NKAIN1: variants seen among roughly 807,000 people sequenced by gnomAD.
NKAIN1 encodes the protein sodium/potassium-transporting ATPase subunit beta-1-interacting protein 1.
In NKAIN1, 13 loss-of-function variants were observed where a neutral mutation model predicts 31.6. The observed-to-expected ratio is 0.41, with a 90% CI of 0.27 to 0.65. The LOEUF (loss-of-function observed/expected upper bound fraction) is 0.65. NKAIN1 is among the 30% of genes least tolerant of loss of function. The pLI, the probability that NKAIN1 is intolerant of heterozygous loss-of-function variation, is 0.30. For synonymous variants in NKAIN1, 104 were observed against 109.0 expected, an observed-to-expected ratio of 0.95 and a Z score of 0.28; for missense variants, 193 against 262.2, an observed-to-expected ratio of 0.74 and a Z score of 1.82.
At chr1:31,192,875 T>G (rs1013160127) in intron 1 of NKAIN1, among the ~76,000 whole-genome samples, 3 of 151,058 alleles carry the variant, frequency 2.0e-5, no homozygotes, top group African/African-American at 7.3e-5. Flanking sequence ...TTTAAAAAAT[T>G]TAGATGTAGC....
At chr1:31,195,124 C>CT (rs112786243) in intron 1 of NKAIN1, among the ~76,000 whole-genome samples, 2,309 of 125,428 alleles carry the variant, frequency 0.018, 28 homozygotes, top group East Asian at 0.024. Flanking sequence ...TTCCTTCCTC[C>CT]TTTTTTTTTT....
At chr1:31,231,757 CCT>C (rs1370116266) in intron 1 of NKAIN1, among the ~76,000 whole-genome samples, 1 of 149,796 alleles carries the variant, frequency 6.7e-6, no homozygotes, top group Non-Finnish European at 1.5e-5. Flanking sequence ...GTCTCGATCT[CCT>C]GACCTTGTGA....
chr1:31,223,834 C>A (rs1288558497), intron 1 of NKAIN1, among the ~76,000 whole-genome samples: 1 of 152,202 alleles, frequency 6.6e-6, no homozygotes, highest in African/African-American at 2.4e-5. Flanking sequence ...ATCTGCATTT[C>A]CTATTGTCCT....
At chr1:31,185,699 G>A (rs1645236559) in intron 2 of NKAIN1, among the ~76,000 whole-genome samples, 1 of 152,164 alleles carries the variant, frequency 6.6e-6, no homozygotes, top group Non-Finnish European at 1.5e-5. Context: ...AATCATTCAA[G>A]GATGTTTGTC....
At chr1:31,232,088 C>CT (rs879745049) in intron 1 of NKAIN1, among the ~76,000 whole-genome samples, 1,460 of 49,120 alleles carry the variant, frequency 0.03, 30 homozygotes, top group East Asian at 0.19. Flanking sequence ...TAAGTTTTTA[C>CT]CTTTTTGTTT....
intron 1 of NKAIN1, among the ~76,000 whole-genome samples, chr1:31,211,696 C>G (rs1257818554): frequency 6.6e-6 from 1 of 151,404 alleles, no homozygotes; most frequent in Non-Finnish European, 1.5e-5. Context: ...TGCCTGTAAT[C>G]CCAGCACTTT....
At chr1:31,216,690 T>TTTTATCTATTTATCTATTTATCTATTTA (rs369336386) in intron 1 of NKAIN1, among the ~76,000 whole-genome samples, 2 of 140,490 alleles carry the variant, frequency 1.4e-5, no homozygotes, top group East Asian at 2.2e-4. Flanking sequence ...TGGCATTGAC[T>TTTTATCTATTTATCTATTTATCTATTTA]TTTATTTATT....
intron 1 of NKAIN1, among the ~76,000 whole-genome samples, chr1:31,203,449 G>A (rs1472841415): frequency 6.6e-6 from 1 of 152,122 alleles, no homozygotes; most frequent in Non-Finnish European, 1.5e-5. Flanking sequence ...CACTTGAGTA[G>A]GACAACGCTG....
At position 31,181,719 on chromosome 1, in the gene NKAIN1, G is replaced by A. The variant is rs749663755; in HGVS notation, c.615-7C>T. 13 of 1,492,386 alleles carry A rather than the reference G, an allele frequency of 8.7e-6. No homozygotes were observed. The South Asian group carries it at 1.5e-4, about 17-fold the overall frequency. The allele number at this position is 1,492,386 out of a possible 1,614,324, so 92.4% of individuals were successfully genotyped here. On this transcript the variant is annotated splice_region_variant and splice_polypyrimidine_tract_variant and intron_variant, in intron 6 of 6. Transcript: ENST00000373736. Reference sequence around the variant, plus strand: ...GGGCAGAGGCTACCCCGACCTGCGGGAAACAAAGGCAGGTTAGGGAGAGTG... The same window carrying A: ...GGGCAGAGGCTACCCCGACCTGCGGAAAACAAAGGCAGGTTAGGGAGAGTG...
At position 31,211,829 on chromosome 1, in the gene NKAIN1, C is replaced by G. The variant is rs61226716; in HGVS notation, c.55-23642G>C. Reference sequence around the variant, plus strand: ...TGGTGACGCATGCCTGTAGTCCTAGCTACTCAGGAGGCTGAGGTAGGAGAA... The same window carrying G: ...TGGTGACGCATGCCTGTAGTCCTAGGTACTCAGGAGGCTGAGGTAGGAGAA... On this transcript the variant is annotated intron_variant, in intron 1 of 6. Transcript: ENST00000373736. 2.9e-3 allele frequency among the ~76,000 whole-genome samples: 442 copies of G among 152,130 alleles called. 4 individuals are homozygous for G. Among genetic ancestry groups the G allele is most frequent in the African/African-American group, 0.01 (424 of 41,476 alleles).
chr1:31,225,325 CTTTTTTTT>C (rs139451212), intron 1 of NKAIN1, among the ~76,000 whole-genome samples: 2 of 52,154 alleles, frequency 3.8e-5, no homozygotes, highest in Admixed American at 3.3e-4. Flanking sequence ...CATGCCCGGC[CTTTTTTTT>C]TTTTTTTTTT....
At chr1:31,210,257 G>A (rs1207775794) in intron 1 of NKAIN1, among the ~76,000 whole-genome samples, 4 of 151,238 alleles carry the variant, frequency 2.6e-5, no homozygotes, top group African/African-American at 9.7e-5. Flanking sequence ...AAGCTATTAG[G>A]TTTGGTGCAA....
chr1:31,204,220 C>T (rs565796401), intron 1 of NKAIN1, among the ~76,000 whole-genome samples: 136 of 152,224 alleles, frequency 8.9e-4, no homozygotes, highest in Middle Eastern at 3.4e-3. Flanking sequence ...CTTTATTCTG[C>T]TGGTCCCTAG....
intron 1 of NKAIN1, among the ~76,000 whole-genome samples, chr1:31,196,004 A>G (rs1041557756): frequency 1.3e-5 from 2 of 151,354 alleles, no homozygotes; most frequent in Non-Finnish European, 1.5e-5. Flanking sequence ...CTTCCCTGCC[A>G]CTCGATCTGC....
chr1:31,218,071 T>TCTTTC lies in NKAIN1; in HGVS notation c.54+21422_54+21423insGAAAG, dbSNP rs201070152. On this transcript the variant is annotated intron_variant, in intron 1 of 6. Coordinates refer to ENST00000373736, the MANE Select transcript of NKAIN1 (RefSeq NM_024522.3). ...TTCTTTCTTTCTTTCTTTCTTTCTT[T>TCTTTC]TTTTTTTTTGAGATGGAGTCTCGCT... is the stretch of plus-strand genomic sequence containing the variant. Among the ~76,000 whole-genome samples, 679 of 133,430 alleles carry TCTTTC rather than the reference T, an allele frequency of 5.1e-3. 4 individuals are homozygous for TCTTTC. The highest frequency in any genetic ancestry group is 0.013 in the African/African-American group (474 of 35,242). 87.5% of individuals were successfully genotyped at this position (133,430 alleles called of 152,430 possible).
rs1365648782 is a variant in NKAIN1, at chr1:31,202,838, G to T, written c.55-14651C>A. 2.7e-5 allele frequency among the ~76,000 whole-genome samples: 4 copies of T among 150,910 alleles called. No homozygotes were observed. In the East Asian group the frequency reaches 5.8e-4, roughly 22 times the overall value. ...CTAAAAATATAAAAATTAGCTGGGCGTGGTGGTGTGCGCCTGTAGTCCCAG... is the reference window on the plus strand; with the variant it reads ...CTAAAAATATAAAAATTAGCTGGGCTTGGTGGTGTGCGCCTGTAGTCCCAG... On this transcript the variant is annotated intron_variant, in intron 1 of 6. Coordinates refer to ENST00000373736, the MANE Select transcript of NKAIN1 (RefSeq NM_024522.3).
rs898232174 is a variant in NKAIN1 at position 31,179,793 on chromosome 1, G to A, written c.*1910C>T. The A allele has an allele frequency of 1.3e-5, 2 of 152,214 alleles. No homozygotes were observed. The highest frequency in any genetic ancestry group is 4.8e-5 in the African/African-American group (2 of 41,450). 9.4% of individuals were successfully genotyped at this position (152,214 alleles called of 1,614,324 possible). ...ATCAACCCGCCTGCACAGAAACCAG[G>A]AGAGCACTCCCCTCCTTGCAAGGTC... On this transcript the variant is annotated 3_prime_UTR_variant, in exon 7 of 7. Coordinates refer to ENST00000373736, the MANE Select transcript of NKAIN1 (RefSeq NM_024522.3).
chr1:31,226,973 C>T (rs1360599449), intron 1 of NKAIN1, among the ~76,000 whole-genome samples: 2 of 151,088 alleles, frequency 1.3e-5, no homozygotes, highest in African/African-American at 4.9e-5. Flanking sequence ...TACAGGTGCA[C>T]GCCACCACAC....
chr1:31,208,687 C>T (rs1645443796), intron 1 of NKAIN1, among the ~76,000 whole-genome samples: 1 of 152,062 alleles, frequency 6.6e-6, no homozygotes, highest in Non-Finnish European at 1.5e-5. Context: ...AGGCCACAGG[C>T]CTCCCTCAAA....
Sources: allele counts gnomAD v4.1 joint callset (sites outside exome capture counted in the v4.1 genomes callset), GRCh38; gene constraint gnomAD v4.1.1; transcripts MANE v1.5; gene names NCBI Gene and HGNC (gene_info 2026-07-23, HGNC 2026-07-21).